The following OTOF variants were observed in gnomAD, a reference collection of about 807,000 sequenced individuals.
OTOF encodes the protein otoferlin.
A neutral mutation model predicts 236.8 loss-of-function variants in OTOF; 218 were observed. The observed-to-expected ratio is 0.92, with a 90% CI of 0.82 to 1.03. The LOEUF is 1.03. Ranked by LOEUF, OTOF falls within the 50% of genes least tolerant of loss-of-function variation. OTOF has a pLI of 0.00. For missense variants in OTOF, 2,590 were observed against 2,694.4 expected, an observed-to-expected ratio of 0.96 and a Z score of 0.86; for synonymous variants, 1,041 against 1,072.5, an observed-to-expected ratio of 0.97 and a Z score of 0.57.
At chr2:26,515,528 G>A (rs1666502256) in intron 5 of OTOF, among the ~76,000 whole-genome samples, 2 of 152,230 alleles carry the variant, frequency 1.3e-5, no homozygotes, top group Non-Finnish European at 2.9e-5. Flanking sequence ...ATAAAAGTAT[G>A]TCAGTTCAAT....
At position 26,461,960 on chromosome 2, in the gene OTOF, C is replaced by T; in HGVS notation, c.5292-23G>A. 6.2e-7 allele frequency: 1 copy of T among 1,613,994 alleles called. No homozygotes were observed. Among genetic ancestry groups the T allele is most frequent in the Non-Finnish European group, 8.5e-7 (1 of 1,179,984 alleles). ...CACCTGTGGGCGCCACATCTCCAGA[C>T]CCGCAGCCAGGCTGGTGGGGCCTCT... On this transcript the variant is annotated intron_variant, in intron 42 of 46. Transcript: ENST00000272371. The surrounding 1 kb of genome is among the most constrained non-coding windows in gnomAD (Gnocchi z 6.2).
At chr2:26,538,671 G>C (rs759413858) in intron 1 of OTOF, among the ~76,000 whole-genome samples, 4 of 152,164 alleles carry the variant, frequency 2.6e-5, no homozygotes, top group Non-Finnish European at 4.4e-5. Flanking sequence ...AACAGCCGCT[G>C]GAGTCTCTGA....
At chr2:26,505,436 G>GAC (rs931753227) in intron 5 of OTOF, among the ~76,000 whole-genome samples, 27 of 112,802 alleles carry the variant, frequency 2.4e-4, no homozygotes, top group South Asian at 6.2e-4. Context: ...CACACACACA[G>GAC]ACACACACAC....
chr2:26,558,466 GTCCCTCTGAGACAGCGGCT>G lies in OTOF; in HGVS notation c.79+8_79+26del, dbSNP rs1447759568. ...GGCTGGTCCAGCTCTCAGAGCTGGCGTCCCTCTGAGACAGCGGCTTCCCTACCTCGGAAAGTCACTTTGG... is the reference window on the plus strand; with the variant it reads ...GGCTGGTCCAGCTCTCAGAGCTGGCGTCCCTACCTCGGAAAGTCACTTTGG... On this transcript the variant is annotated splice_region_variant and intron_variant, in intron 1 of 46. Coordinates refer to ENST00000272371, the MANE Select transcript of OTOF (RefSeq NM_194248.3). 1.3e-6 allele frequency: 2 copies of G among 1,595,924 alleles called. No individual in the cohort carries two copies. Among genetic ancestry groups the G allele is most frequent in the East Asian group, 4.5e-5 (2 of 44,770 alleles).
At chr2:26,551,423 C>A (rs4665878) in intron 1 of OTOF, among the ~76,000 whole-genome samples, 116,311 of 152,136 alleles carry the variant, frequency 0.76, 45,095 homozygotes, top group East Asian at 0.98. Context: ...GCCTGCTCCT[C>A]CCTCCCTTCC....
chr2:26,532,415 C>T (rs1385133051), intron 2 of OTOF, among the ~76,000 whole-genome samples: 1 of 152,166 alleles, frequency 6.6e-6, no homozygotes. Flanking sequence ...GCAGTTAAGC[C>T]AAACACAGTC....
In OTOF at chr2:26,458,356, G is replaced by C. The variant is rs182904947; in HGVS notation, c.*18-136C>G. 8.8e-6 allele frequency: 8 copies of C among 912,266 alleles called. No individual in the cohort carries two copies. In the Admixed American group the frequency reaches 1.4e-4, roughly 16 times the overall value. 56.5% of individuals were successfully genotyped at this position (912,266 alleles called of 1,614,324 possible). The stretch of plus-strand genomic sequence containing the variant: ...CAAAAGCAGTGAATGCTGGAGCCAG[G>C]GTTTAAACCCATTTCTAAGTACCCG... On this transcript the variant is annotated intron_variant, in intron 46 of 46. Transcript: ENST00000272371.
rs759792845 is a variant in OTOF, at chr2:26,474,003, C to G, written c.3396G>C (p.Lys1132Asn). 6.2e-7 allele frequency: 1 copy of G among 1,612,988 alleles called. No individual in the cohort carries two copies. The highest frequency in any genetic ancestry group is 8.5e-7 in the Non-Finnish European group (1 of 1,179,896). Residue 1132 changes from lysine (K) to asparagine (N), a missense_variant, in exon 27 of 47, where the codon AAG (lysine) becomes AAC (asparagine). Coordinates refer to ENST00000272371, the MANE Select transcript of OTOF (RefSeq NM_194248.3). ...AGAGCCCTCGCACCTCCACTCGGTA[C>G]TTGCTGAGCACGGGCCGGATGCCCA... is the stretch of plus-strand genomic sequence containing the variant. ...VPMGIRPVLS[K>N]YRVEVLFWGL... is the part of the protein sequence containing the mutation.
At position 26,462,322 on chromosome 2, in the gene OTOF, G is replaced by A; in HGVS notation, c.5193-141C>T. On this transcript the variant is annotated intron_variant, in intron 41 of 46. Coordinates refer to ENST00000272371, the MANE Select transcript of OTOF (RefSeq NM_194248.3). The surrounding 1 kb of genome is among the most constrained non-coding windows in gnomAD (Gnocchi z 4.7). ...CCTGGGCCAGGCTGGGGCTGGAGGA[G>A]TGGTTTGGGGTTGGGGGAGCAGAGG... 1.3e-6 allele frequency: 1 copy of A among 758,172 alleles called. No homozygotes were observed. The highest frequency in any genetic ancestry group is 1.9e-5 in the Admixed American group (1 of 52,200). The allele number at this position is 758,172 out of a possible 1,614,324, so 47.0% of individuals were successfully genotyped here. A position where few individuals can be genotyped will look rare whatever the true frequency, so the allele number is the denominator to read the frequency against.
chr2:26,501,666 C>G lies in OTOF; in HGVS notation c.765+88G>C. On this transcript the variant is annotated intron_variant, in intron 8 of 46. Transcript: ENST00000272371. ...GTTCTCTATGACCCCTGGATCCATG[C>G]CTCAGTATAGTGGATAATGCACATC... The G allele has an allele frequency of 5.4e-6, 5 of 919,906 alleles. No homozygotes were observed. The South Asian group carries it at 6.5e-5, about 12-fold the overall frequency. 57.0% of individuals were successfully genotyped at this position (919,906 alleles called of 1,614,324 possible). A position where few individuals can be genotyped will look rare whatever the true frequency, so the allele number is the denominator to read the frequency against.
chr2:26,537,590 G>T (rs1667103971), intron 2 of OTOF, 126 bp downstream of exon 2: 1 of 742,236 alleles, frequency 1.3e-6, no homozygotes, highest in Admixed American at 2.0e-5. Context: ...CAGCTGAGAG[G>T]TGAGGGGCTC....
At chr2:26,510,784 C>T in intron 5 of OTOF, 1 of 1,268,608 alleles carries the variant, frequency 7.9e-7, no homozygotes, top group Non-Finnish European at 1.0e-6. Flanking sequence ...GACAAGGGGA[C>T]ACGTGTGAGG....
At chr2:26,557,545 G>A (rs149716100) in intron 1 of OTOF, among the ~76,000 whole-genome samples, 274 of 152,224 alleles carry the variant, frequency 1.8e-3, no homozygotes, top group African/African-American at 6.4e-3. Flanking sequence ...CTCCGCTCCT[G>A]CACCCTCTCT....
Position 26,477,654 on chromosome 2 carries a change from G to A in OTOF, c.2310C>T (p.Gly770=). 1 of 1,612,366 alleles carries A rather than the reference G, an allele frequency of 6.2e-7. No homozygotes were observed. Residue 770 remains glycine, a synonymous_variant, in exon 19 of 47, where the codon GGC becomes GGT. Coordinates refer to ENST00000272371, the MANE Select transcript of OTOF (RefSeq NM_194248.3). The surrounding 1 kb of genome is among the most constrained non-coding windows in gnomAD (Gnocchi z 4.7). ...LRGVLEELSC[G]CCRFLSLADK... ...TGCCGCCCCTCCCTTCTCACCAGCA[G>A]CCACAGCTCAGCTCCTCCAGGACGC...
chr2:26,533,819 T>A (rs1667005700), intron 2 of OTOF, among the ~76,000 whole-genome samples: 1 of 152,068 alleles, frequency 6.6e-6, no homozygotes, highest in African/African-American at 2.4e-5. Flanking sequence ...CTCAACTCCA[T>A]GCTGGGTGCC....
chr2:26,528,676 T>C (rs1174912198), intron 2 of OTOF, among the ~76,000 whole-genome samples: 1 of 152,084 alleles, frequency 6.6e-6, no homozygotes, highest in African/African-American at 2.4e-5. Flanking sequence ...CAGTGCCCCA[T>C]TCTGTAAAAA....
chr2:26,528,649 C>T (rs1435767747), intron 2 of OTOF, among the ~76,000 whole-genome samples: 1 of 152,200 alleles, frequency 6.6e-6, no homozygotes, highest in African/African-American at 2.4e-5. Context: ...TGGCTCAAAA[C>T]AGAGGCTAAA....
At position 26,516,445 on chromosome 2, in the gene OTOF, C is replaced by A. The variant is rs141475833; in HGVS notation, c.482G>T (p.Arg161Leu). 2 of 1,613,790 alleles carry A rather than the reference C, an allele frequency of 1.2e-6. No homozygotes were observed. Among genetic ancestry groups the A allele is most frequent in the Non-Finnish European group, 1.7e-6 (2 of 1,179,954 alleles). The change falls in exon 5 of 47, where the codon CGG becomes CTG. Residue 161 changes from arginine to leucine, a missense_variant. Around this residue, in one of 2 missense-constraint regions of OTOF, gnomAD observed 1,379 missense variants for 1,341.6 expected, o/e 1.03. Coordinates refer to ENST00000272371, the MANE Select transcript of OTOF (RefSeq NM_194248.3). Reference protein sequence around the residue: ...GLLPGSRPSSRPPGEKSFRRA... With the variant: ...GLLPGSRPSSLPPGEKSFRRA... ...CCGGAAGCTCTTCTCTCCTGGGGGC[C>A]GGGAGCTGGGCCGGGAGCCTGGGAG...
At chr2:26,555,378 A>G (rs944887561) in intron 1 of OTOF, among the ~76,000 whole-genome samples, 12 of 152,188 alleles carry the variant, frequency 7.9e-5, no homozygotes, top group South Asian at 4.1e-4. Context: ...TGACTCCTGG[A>G]GGGCCAGGCT....
Sources: gnomAD v4.1 joint callset for allele counts (sites outside exome capture counted in the v4.1 genomes callset) on GRCh38, gnomAD v4.1.1 for gene constraint, gnomAD v4.1.1 regional missense constraint, Gnocchi (gnomAD v3.1) non-coding constraint, MANE v1.5 for transcripts, NCBI Gene and HGNC (gene_info 2026-07-23, HGNC 2026-07-21) for gene names.